Variants in SMIM36 observed in about 807,000 individuals in gnomAD.
SMIM36 encodes small integral membrane protein 36.
intron 1 of SMIM36, among the ~76,000 whole-genome samples, chr17:55,493,649 A>C (rs1598455012): frequency 1.3e-5 from 2 of 151,914 alleles, no homozygotes; most frequent in Admixed American, 1.3e-4. Flanking sequence ...ATCTCTACAA[A>C]AAATACAAAA....
chr17:55,475,363 T>C (rs1909410888), intron 3 of SMIM36, among the ~76,000 whole-genome samples: 1 of 152,194 alleles, frequency 6.6e-6, no homozygotes, highest in Admixed American at 6.6e-5. Flanking sequence ...GAAGTCATAT[T>C]ATTTACTTTT....
At chr17:55,458,675 AGAAGAGCATGCCTCCTCTGCGGCC>A (rs953161560) in intron 4 of SMIM36, among the ~76,000 whole-genome samples, 9 of 151,258 alleles carry the variant, frequency 6.0e-5, no homozygotes, top group South Asian at 2.1e-4. Flanking sequence ...AAGAGCTCGC[AGAAGAGCATGCCTCCTCTGCGGCC>A]GAAGAGCATG....
intron 1 of SMIM36, among the ~76,000 whole-genome samples, chr17:55,501,541 A>G (rs1345863106): frequency 1.7e-5 from 2 of 119,384 alleles, no homozygotes; most frequent in East Asian, 4.4e-4. Context: ...ATAATTATAT[A>G]CAATATTATA....
chr17:55,453,099 C>T (rs1908951279), intron 4 of SMIM36, among the ~76,000 whole-genome samples: 1 of 152,096 alleles, frequency 6.6e-6, no homozygotes, highest in Non-Finnish European at 1.5e-5. Flanking sequence ...CACTTGAGCC[C>T]AGGAGTTCAA....
At chr17:55,459,774 C>T (rs552205858) in intron 4 of SMIM36, among the ~76,000 whole-genome samples, 4 of 151,712 alleles carry the variant, frequency 2.6e-5, no homozygotes, top group South Asian at 2.1e-4. Flanking sequence ...AGGCAGGAGG[C>T]GCGCTTGAGC....
At chr17:55,487,326 A>G (rs1216124770) in intron 1 of SMIM36, among the ~76,000 whole-genome samples, 4 of 152,224 alleles carry the variant, frequency 2.6e-5, no homozygotes, top group African/African-American at 7.2e-5. Flanking sequence ...CGTTGTGCAC[A>G]TGTACCCTAT....
chr17:55,496,364 T>C (rs1337850844), intron 1 of SMIM36, among the ~76,000 whole-genome samples: 2 of 152,134 alleles, frequency 1.3e-5, no homozygotes, highest in African/African-American at 4.8e-5. Flanking sequence ...GGCTGGTGTT[T>C]AATTAAATAA....
At chr17:55,452,978 T>C (rs1908946969) in intron 4 of SMIM36, among the ~76,000 whole-genome samples, 1 of 152,166 alleles carries the variant, frequency 6.6e-6, no homozygotes, top group Non-Finnish European at 1.5e-5. Flanking sequence ...ACCACATCCT[T>C]TTCTCTGAAG....
chr17:55,517,925 C>T, the SMIM36 span, among the ~76,000 whole-genome samples: 1 of 152,132 alleles, frequency 6.6e-6, no homozygotes, highest in African/African-American at 2.4e-5. Flanking sequence ...AGTATCCCAA[C>T]ATCTAAATGT....
intron 4 of SMIM36, among the ~76,000 whole-genome samples, chr17:55,452,493 G>A (rs901052255): frequency 1.3e-5 from 2 of 152,214 alleles, no homozygotes; most frequent in African/African-American, 2.4e-5. Context: ...TTCAAATTCT[G>A]TCTGGAGGTA....
intron 1 of SMIM36, among the ~76,000 whole-genome samples, chr17:55,481,052 GTC>G (rs1199547064): frequency 6.6e-6 from 1 of 150,958 alleles, no homozygotes. Flanking sequence ...CTCTCTCTCT[GTC>G]TCTTTCTGTC....
chr17:55,489,158 A>G (rs1176004048), intron 1 of SMIM36, among the ~76,000 whole-genome samples: 3 of 152,180 alleles, frequency 2.0e-5, no homozygotes, highest in Admixed American at 2.0e-4. Context: ...CAGGCAAATC[A>G]CCTGAGGTCA....
chr17:55,462,912 C>T (rs1909170734), intron 4 of SMIM36, among the ~76,000 whole-genome samples: 1 of 152,096 alleles, frequency 6.6e-6, no homozygotes, highest in African/African-American at 2.4e-5. Context: ...CTCCCAACCC[C>T]CAGAAAGCTG....
At chr17:55,468,483 C>T (rs1033594443) in intron 3 of SMIM36, 1 of 153,176 alleles carries the variant, frequency 6.5e-6, no homozygotes, top group South Asian at 2.1e-4. Context: ...GACAGCCTTC[C>T]GTTGGTGTCT....
intron 4 of SMIM36, among the ~76,000 whole-genome samples, chr17:55,461,771 A>C (rs539639520): frequency 7.1e-4 from 108 of 152,298 alleles, no homozygotes; most frequent in Admixed American, 3.7e-3. Context: ...AAAAGCAAAA[A>C]CAAAAACCAA....
At chr17:55,522,922 A>G in the SMIM36 span, among the ~76,000 whole-genome samples, 2 of 152,182 alleles carry the variant, frequency 1.3e-5, no homozygotes, top group Admixed American at 1.3e-4. Context: ...AGCATTGAAT[A>G]TATATTTGGG....
At chr17:55,521,857 C>CT in the SMIM36 span, among the ~76,000 whole-genome samples, 7,291 of 141,144 alleles carry the variant, frequency 0.052, 213 homozygotes, top group African/African-American at 0.073. Flanking sequence ...ACCGCTTTGA[C>CT]TTTTTTTTTT....
chr17:55,457,563 G>A (rs1001494574), intron 4 of SMIM36, among the ~76,000 whole-genome samples: 4 of 149,756 alleles, frequency 2.7e-5, no homozygotes, highest in East Asian at 2.0e-4. Flanking sequence ...TTTTGCTCTC[G>A]TTGTCCAGAC....
intron 1 of SMIM36, among the ~76,000 whole-genome samples, chr17:55,490,018 T>G: frequency 1.2e-5 from 1 of 81,956 alleles, no homozygotes. Context: ...CTGGCAATAT[T>G]TTTTTTTTTT....
Sources: gnomAD v4.1 joint callset for allele counts (sites outside exome capture counted in the v4.1 genomes callset) on GRCh38, gnomAD v4.1.1 for gene constraint, MANE v1.5 for transcripts, NCBI Gene and HGNC (gene_info 2026-07-23, HGNC 2026-07-21) for gene names.